The following PDE3B variants were observed in gnomAD, a reference collection of about 807,000 sequenced individuals.
PDE3B encodes the protein phosphodiesterase 3B, also known as cGMP-inhibited 3',5'-cyclic phosphodiesterase 3B.
A neutral mutation model predicts 116.8 loss-of-function variants in PDE3B; 66 were observed. The ratio of observed to expected loss-of-function variants is 0.56; its 90% CI spans 0.46 to 0.69. The LOEUF is 0.69. PDE3B is among the 30% of genes least tolerant of loss of function. The pLI is 0.00. For missense variants in PDE3B, 1,384 were observed against 1,368.1 expected, an observed-to-expected ratio of 1.01 and a Z score of -0.18; for synonymous variants, 595 against 533.6, an observed-to-expected ratio of 1.12 and a Z score of -1.59.
At chr11:14,788,711 T>C (rs1471873411) in intron 3 of PDE3B, among the ~76,000 whole-genome samples, 3 of 151,968 alleles carry the variant, frequency 2.0e-5, no homozygotes, top group Non-Finnish European at 4.4e-5. Flanking sequence ...TATAGCACTG[T>C]ACTGAAAATA....
chr11:14,750,463 A>G (rs1430633824), intron 1 of PDE3B, among the ~76,000 whole-genome samples: 1 of 152,148 alleles, frequency 6.6e-6, no homozygotes, highest in Non-Finnish European at 1.5e-5. Flanking sequence ...AGATAACTTT[A>G]TATCCACTAT....
At chr11:14,881,497 CATT>C in the PDE3B span, among the ~76,000 whole-genome samples, 1 of 152,098 alleles carries the variant, frequency 6.6e-6, no homozygotes, top group East Asian at 1.9e-4. Flanking sequence ...AAATTTCACT[CATT>C]ACTGGGACAC....
rs1264188871 is a variant in PDE3B, at chr11:14,859,262, T to C, written c.2724+16T>C. On this transcript the variant is annotated intron_variant, in intron 13 of 15. Coordinates refer to ENST00000282096, the MANE Select transcript of PDE3B (RefSeq NM_000922.4). ...CAATGCCAAGGTTTGTTATGAAAAT[T>C]AGTGCCTGATTTAAAAAATCTTTAT... 1.2e-5 allele frequency: 19 copies of C among 1,558,208 alleles called. No individual in the cohort carries two copies. Among genetic ancestry groups the C allele is most frequent in the Non-Finnish European group, 1.6e-5 (18 of 1,140,714 alleles).
At chr11:14,748,021 A>AT (rs1478988764) in intron 1 of PDE3B, among the ~76,000 whole-genome samples, 1 of 152,216 alleles carries the variant, frequency 6.6e-6, no homozygotes, top group African/African-American at 2.4e-5. Context: ...CCAACATAGT[A>AT]TAGCATTTCC....
chr11:14,773,233 T>C (rs1490573627), intron 2 of PDE3B: 2 of 152,138 alleles, frequency 1.3e-5, no homozygotes, highest in Admixed American at 1.3e-4. Context: ...GATTTTTTTC[T>C]AATTATTCTA....
In PDE3B at chr11:14,781,205, C is replaced by T. The variant is rs184097799; in HGVS notation, c.1030-5232C>T. Among the ~76,000 whole-genome samples the T allele has an allele frequency of 2.6e-3, 401 of 152,218 alleles. 1 individual carries two copies. The highest frequency in any genetic ancestry group is 9.3e-3 in the African/African-American group (387 of 41,536). Reference sequence around the variant, plus strand: ...CAACCAAAAAAAGTCCAGGACCAGACGGAGTCACAGCTGAATTCTACCAGA... The same window carrying T: ...CAACCAAAAAAAGTCCAGGACCAGATGGAGTCACAGCTGAATTCTACCAGA... On this transcript the variant is annotated intron_variant, in intron 2 of 15. Transcript: ENST00000282096.
intron 5 of PDE3B, among the ~76,000 whole-genome samples, chr11:14,817,273 C>A (rs1425279082): frequency 6.7e-6 from 1 of 149,830 alleles, no homozygotes; most frequent in East Asian, 2.0e-4. Flanking sequence ...ACATCACACA[C>A]TGGGGCCTAT....
intron 1 of PDE3B, among the ~76,000 whole-genome samples, chr11:14,664,563 A>G (rs2133768868): frequency 6.6e-6 from 1 of 152,334 alleles, no homozygotes; most frequent in Non-Finnish European, 1.5e-5. Context: ...AAATAGACAC[A>G]ATAAAAAATG....
chr11:14,655,670 T>A (rs757878006), intron 1 of PDE3B, among the ~76,000 whole-genome samples: 30 of 152,260 alleles, frequency 2.0e-4, no homozygotes, highest in South Asian at 4.1e-4. Flanking sequence ...AGGCAAATAG[T>A]GATCAGTTTT....
At chr11:14,700,731 C>T (rs1443918451) in intron 1 of PDE3B, 2 of 151,678 alleles carry the variant, frequency 1.3e-5, no homozygotes, top group Non-Finnish European at 3.0e-5. Flanking sequence ...GCTTATTCTC[C>T]TATTGTAGAT....
intron 1 of PDE3B, among the ~76,000 whole-genome samples, chr11:14,727,124 G>A (rs1856331027): frequency 6.6e-6 from 1 of 151,914 alleles, no homozygotes; most frequent in Non-Finnish European, 1.5e-5. Context: ...AGAGTCCTTG[G>A]TAAATGATTC....
intron 1 of PDE3B, among the ~76,000 whole-genome samples, chr11:14,770,030 T>A (rs930732082): frequency 5.3e-5 from 8 of 151,490 alleles, no homozygotes; most frequent in African/African-American, 1.9e-4. Context: ...AATCAACTTC[T>A]ACTTAGAGTT....
At chr11:14,671,301 G>C (rs1334000246) in intron 1 of PDE3B, among the ~76,000 whole-genome samples, 1 of 152,096 alleles carries the variant, frequency 6.6e-6, no homozygotes, top group African/African-American at 2.4e-5. Context: ...CTCTGAAGAG[G>C]TGACATTTTA....
chr11:14,750,342 TA>T (rs1357365030), intron 1 of PDE3B, among the ~76,000 whole-genome samples: 1 of 152,170 alleles, frequency 6.6e-6, no homozygotes, highest in Admixed American at 6.6e-5. Flanking sequence ...TTATATTTAC[TA>T]ACTTCTGAAT....
intron 5 of PDE3B, among the ~76,000 whole-genome samples, chr11:14,811,487 C>T (rs1002313025): frequency 2.9e-4 from 44 of 151,950 alleles, no homozygotes; most frequent in South Asian, 2.1e-4. Context: ...AGATATGCGG[C>T]GTGATTTCTG....
At position 14,820,609 on chromosome 11, in the gene PDE3B, T is replaced by G. The variant is rs1714697241; in HGVS notation, c.1807+1400T>G. 4.6e-5 allele frequency among the ~76,000 whole-genome samples: 7 copies of G among 152,282 alleles called. No homozygotes were observed. In the South Asian group the frequency reaches 1.5e-3, roughly 32 times the overall value. ...TGGATGTTTGTGTTCCTCCAAAAAT[T>G]CATGTGTCGAAATCCTATACCCTGA... On this transcript the variant is annotated intron_variant, in intron 7 of 15. Coordinates refer to ENST00000282096, the MANE Select transcript of PDE3B (RefSeq NM_000922.4).
the PDE3B span, among the ~76,000 whole-genome samples, chr11:14,896,429 T>C: frequency 6.6e-6 from 1 of 152,230 alleles, no homozygotes; most frequent in Admixed American, 6.5e-5. Context: ...CCATGGTCCC[T>C]GTGTTCCTGG....
chr11:14,644,834 G>T lies in PDE3B; in HGVS notation c.759G>T (p.Gly253=). ...ALRPLLSGLV[G]GAGCLLALGL... ...GGCCGCTGCTCTCCGGCCTGGTGGGGGGCGCTGGCTGCCTGCTGGCCCTGG... is the reference window on the plus strand; with the variant it reads ...GGCCGCTGCTCTCCGGCCTGGTGGGTGGCGCTGGCTGCCTGCTGGCCCTGG... The change falls in exon 1 of 16, where the codon GGG becomes GGT. Residue 253 remains glycine, a synonymous_variant. Coordinates refer to ENST00000282096, the MANE Select transcript of PDE3B (RefSeq NM_000922.4). The T allele has an allele frequency of 1.2e-6, 2 of 1,612,282 alleles. No homozygotes were observed. The highest frequency in any genetic ancestry group is 1.7e-6 in the Non-Finnish European group (2 of 1,179,052).
chr11:14,674,284 C>T, intron 1 of PDE3B: 1 of 1,094,732 alleles, frequency 9.1e-7, no homozygotes, highest in Admixed American at 1.7e-5. Context: ...TGGGGCAGCC[C>T]CTATCGTCTT....
Sources: allele counts gnomAD v4.1 joint callset (sites outside exome capture counted in the v4.1 genomes callset), GRCh38; gene constraint gnomAD v4.1.1; transcripts MANE v1.5; gene names NCBI Gene and HGNC (gene_info 2026-07-23, HGNC 2026-07-21).